Variants in ADH4 observed in about 807,000 individuals in gnomAD.
The protein encoded by ADH4 is all-trans-retinol dehydrogenase [NAD(+)] ADH4.
A neutral mutation model predicts 35.2 loss-of-function variants in ADH4; 31 were observed. The observed-to-expected ratio is 0.88, with a 90% CI of 0.66 to 1.19. The LOEUF is 1.19. ADH4 is among the 50% of genes most tolerant of loss of function. The probability of loss-of-function intolerance (pLI) is 0.00; values close to 1 mark genes in which losing one functional copy is unlikely to be tolerated. For missense variants in ADH4, 476 were observed against 458.3 expected (o/e 1.04, Z -0.35); for synonymous variants, 171 against 160.2 (o/e 1.07, Z -0.51).
intron 5 of ADH4, among the ~76,000 whole-genome samples, chr4:99,134,592 T>C (rs29001186): frequency 6.4e-4 from 98 of 152,150 alleles, no homozygotes; most frequent in African/African-American, 2.3e-3. Context: ...TCTAGCGCCA[T>C]ACAGCAGAAA....
At chr4:99,126,860 A>G in intron 7 of ADH4, 128 bp from the exon 8 acceptor site, 2 of 808,906 alleles carry the variant, frequency 2.5e-6, no homozygotes, top group Non-Finnish European at 1.7e-6. Context: ...AACTCCTTCC[A>G]TCTTTAATTT....
intron 4 of ADH4, among the ~76,000 whole-genome samples, chr4:99,137,681 A>T (rs1359830650): frequency 6.6e-6 from 1 of 152,202 alleles, no homozygotes; most frequent in Admixed American, 6.5e-5. Context: ...AAGTAGAAGG[A>T]ATAGCATAAT....
chr4:99,134,597 CAGA>C (rs1329165351), intron 5 of ADH4, among the ~76,000 whole-genome samples: 2 of 151,990 alleles, frequency 1.3e-5, no homozygotes, highest in East Asian at 3.9e-4. Flanking sequence ...CGCCATACAG[CAGA>C]AAATAGGCTT....
chr4:99,130,786 A>G (rs1729246501), intron 6 of ADH4, among the ~76,000 whole-genome samples: 1 of 152,164 alleles, frequency 6.6e-6, no homozygotes, highest in Non-Finnish European at 1.5e-5. Context: ...AAGCAACAAA[A>G]CAACGAAAAA....
intron 8 of ADH4, 117 bp downstream of exon 8, chr4:99,126,477 G>A (rs868002189): frequency 2.9e-6 from 3 of 1,017,988 alleles, no homozygotes; most frequent in African/African-American, 1.6e-5. Context: ...AGCACATCTA[G>A]TACCTGGGAT....
rs1277689758 is a variant in ADH4 at position 99,124,194 on chromosome 4, T to A, written c.*248A>T. The A allele has an allele frequency of 2.7e-6, 1 of 366,050 alleles. No individual in the cohort carries two copies. The highest frequency in any genetic ancestry group is 4.8e-6 in the Non-Finnish European group (1 of 207,004). The allele number at this position is 366,050 out of a possible 1,614,324, so 22.7% of individuals were successfully genotyped here. A position where few individuals can be genotyped will look rare whatever the true frequency, so the allele number is the denominator to read the frequency against. Reference sequence around the variant, plus strand: ...CACTTTCAACTTCCCAGAACTAATTTTAAACAATTTCTAAAGATGATATGA... The same window carrying A: ...CACTTTCAACTTCCCAGAACTAATTATAAACAATTTCTAAAGATGATATGA... On this transcript the variant is annotated 3_prime_UTR_variant, in exon 9 of 9. Transcript: ENST00000265512.
Position 99,136,449 on chromosome 4 carries a change from G to T in ADH4, c.582+17C>A. On this transcript the variant is annotated intron_variant, in intron 5 of 8. Transcript: ENST00000265512. ...TAGTAACTTCTGTTTTACACAAACTGGTGTTTAACCATTTACCTTGGCATT... is the reference window on the plus strand; with the variant it reads ...TAGTAACTTCTGTTTTACACAAACTTGTGTTTAACCATTTACCTTGGCATT... The T allele has an allele frequency of 1.2e-6, 2 of 1,600,848 alleles. No individual in the cohort carries two copies. The highest frequency in any genetic ancestry group is 1.7e-6 in the Non-Finnish European group (2 of 1,168,480).
Position 99,127,261 on chromosome 4 carries a change from A to C in ADH4, c.927T>G (p.Ile309Met). The part of the protein sequence containing the change: ...GVAAGSKGLT[I>M]FPEELIIGRT... ...GGCCGATTATTAGCTCCTCTGGAAAAATAGTCAATCCTTTGCTACCAGCAG... is the reference window on the plus strand; with the variant it reads ...GGCCGATTATTAGCTCCTCTGGAAACATAGTCAATCCTTTGCTACCAGCAG... The change falls in exon 7 of 9, where the codon ATT becomes ATG. Residue 309 changes from isoleucine to methionine, a missense_variant. Physicochemically the swap from Ile to Met is conservative, Grantham distance 10. Coordinates refer to ENST00000265512, the MANE Select transcript of ADH4 (RefSeq NM_000670.5). 6.2e-7 allele frequency: 1 copy of C among 1,611,970 alleles called. No homozygotes were observed. Among genetic ancestry groups the C allele is most frequent in the East Asian group, 2.2e-5 (1 of 44,766 alleles).
chr4:99,130,887 ATAT>A (rs1027166544), intron 6 of ADH4, among the ~76,000 whole-genome samples: 9 of 144,918 alleles, frequency 6.2e-5, no homozygotes, highest in East Asian at 3.9e-4. Flanking sequence ...TTAATTTTAA[ATAT>A]TATATACTGT....
chr4:99,136,167 A>G (rs967684734), intron 5 of ADH4, among the ~76,000 whole-genome samples: 1 of 152,228 alleles, frequency 6.6e-6, no homozygotes, highest in Non-Finnish European at 1.5e-5. Context: ...ATATTTAAAC[A>G]GGCTGTATTT....
intron 3 of ADH4, 70 bp downstream of exon 3, chr4:99,141,471 C>A: frequency 6.8e-7 from 1 of 1,465,458 alleles, no homozygotes; most frequent in Non-Finnish European, 9.2e-7. Flanking sequence ...GCATGCCAAG[C>A]CAGGACTCTA....
At chr4:99,143,070 C>T (rs1458924492) in intron 1 of ADH4, 2 of 689,688 alleles carry the variant, frequency 2.9e-6, no homozygotes, top group African/African-American at 3.5e-5. Flanking sequence ...AAGTTTTTCC[C>T]TCTATAACAG....
rs374526482 is a variant in ADH4 at position 99,134,713 on chromosome 4, G to T, written c.582+1753C>A. ...ACAATTTTTTAAATTTTTTATTAATGAGTAATTGTGTGCGTAAATACATTT... is the reference window on the plus strand; with the variant it reads ...ACAATTTTTTAAATTTTTTATTAATTAGTAATTGTGTGCGTAAATACATTT... On this transcript the variant is annotated intron_variant, in intron 5 of 8. Transcript: ENST00000265512. 3.3e-5 allele frequency among the ~76,000 whole-genome samples: 5 copies of T among 151,920 alleles called. No individual in the cohort carries two copies. In the East Asian group the frequency reaches 7.7e-4, roughly 24 times the overall value.
chr4:99,140,115 C>A (rs991581847), intron 3 of ADH4, among the ~76,000 whole-genome samples: 3 of 151,638 alleles, frequency 2.0e-5, no homozygotes, highest in Non-Finnish European at 4.4e-5. Context: ...TAGGTATTAT[C>A]TTTATCTTAC....
intron 4 of ADH4, among the ~76,000 whole-genome samples, chr4:99,138,555 C>T (rs921885676): frequency 6.6e-6 from 1 of 152,106 alleles, no homozygotes; most frequent in African/African-American, 2.4e-5. Flanking sequence ...CTCTCTCATC[C>T]CTGTAGAAGT....
chr4:99,128,391 G>T (rs977854482), intron 6 of ADH4, among the ~76,000 whole-genome samples: 3 of 152,128 alleles, frequency 2.0e-5, no homozygotes, highest in Non-Finnish European at 4.4e-5. Flanking sequence ...AGCCAAAATC[G>T]TGCCACTGCA....
chr4:99,126,153 ATCCT>A (rs1319466940), intron 8 of ADH4, among the ~76,000 whole-genome samples: 1 of 152,172 alleles, frequency 6.6e-6, no homozygotes, highest in Non-Finnish European at 1.5e-5. Context: ...CAGTTGGGGC[ATCCT>A]TTACATGTCT....
Position 99,140,008 on chromosome 4 carries a change from G to T in ADH4, c.263-860C>A, listed in dbSNP as rs73835020. ...AGAAAAGAGTGGCACGGTTCATCTG[G>T]CCTGCCAAATGAGGATTACATAGCC... On this transcript the variant is annotated intron_variant, in intron 3 of 8. Coordinates refer to ENST00000265512, the MANE Select transcript of ADH4 (RefSeq NM_000670.5). 5.6e-3 allele frequency among the ~76,000 whole-genome samples: 846 copies of T among 152,282 alleles called. 8 individuals carry two copies. Among genetic ancestry groups the T allele is most frequent in the African/African-American group, 0.019 (806 of 41,570 alleles).
chr4:99,125,722 A>C (rs1399310705), intron 8 of ADH4, among the ~76,000 whole-genome samples: 2 of 152,094 alleles, frequency 1.3e-5, no homozygotes, highest in Non-Finnish European at 2.9e-5. Flanking sequence ...GTCAGTGGGG[A>C]TATTTCCTCA....
Sources: gnomAD v4.1 joint callset for allele counts (sites outside exome capture counted in the v4.1 genomes callset) on GRCh38, gnomAD v4.1.1 for gene constraint, MANE v1.5 for transcripts, NCBI Gene and HGNC (gene_info 2026-07-23, HGNC 2026-07-21) for gene names.